The following CNTLN variants were observed in gnomAD, a reference collection of about 807,000 sequenced individuals.
CNTLN encodes the protein centlein, centrosomal protein.
Under a neutral mutation model 180.0 loss-of-function variants are expected in CNTLN, and 212 were observed. The observed-to-expected ratio is 1.18, with a 90% CI of 1.05 to 1.32. The LOEUF is 1.32. Among genes scored for constraint, CNTLN ranks in the 40% most tolerant of loss-of-function variants. The pLI is 0.00. For synonymous variants in CNTLN, 722 were observed against 563.1 expected, an observed-to-expected ratio of 1.28 and a Z score of -3.99; for missense variants, 2,095 against 1,610.9, an observed-to-expected ratio of 1.30 and a Z score of -5.14.
At chr9:17,475,494 G>A (rs1303052925) in intron 23 of CNTLN, among the ~76,000 whole-genome samples, 5 of 151,504 alleles carry the variant, frequency 3.3e-5, no homozygotes, top group African/African-American at 4.8e-5. Flanking sequence ...AACACAAGCC[G>A]GGAAATAAAA....
chr9:17,322,858 T>C (rs1820012181), intron 8 of CNTLN, among the ~76,000 whole-genome samples: 3 of 152,150 alleles, frequency 2.0e-5, no homozygotes, highest in Admixed American at 6.6e-5. Flanking sequence ...GAAAATTAAT[T>C]TGTAAAATAT....
At chr9:17,268,425 G>T (rs1015228355) in intron 5 of CNTLN, among the ~76,000 whole-genome samples, 5 of 152,280 alleles carry the variant, frequency 3.3e-5, no homozygotes, top group South Asian at 2.1e-4. Context: ...ACCTGGCCAT[G>T]TGAGGTGTCT....
rs184760718 is a variant in CNTLN, at chr9:17,316,662, G to A, written c.1341+7410G>A. Among the ~76,000 whole-genome samples, 467 of 152,138 alleles carry A rather than the reference G, an allele frequency of 3.1e-3. 3 individuals are homozygous for A. The highest frequency in any genetic ancestry group is 3.1e-3 in the Non-Finnish European group (209 of 67,920). ...AGGGCTGTCTGTATTGGTAAGGTAA[G>A]ATATAAATCTGCAATTTTGCTATTT... is the stretch of plus-strand genomic sequence containing the variant. On this transcript the variant is annotated intron_variant, in intron 8 of 25. Coordinates refer to ENST00000380647, the MANE Select transcript of CNTLN (RefSeq NM_017738.4).
chr9:17,426,745 G>A (rs79470697), intron 18 of CNTLN, among the ~76,000 whole-genome samples: 5,196 of 151,984 alleles, frequency 0.034, 145 homozygotes, highest in East Asian at 0.17. Context: ...CTTTGAGCCA[G>A]GATGGGATGT....
At position 17,487,080 on chromosome 9, in the gene CNTLN, C is replaced by G; in HGVS notation, c.4119+14C>G. 6.5e-7 allele frequency: 1 copy of G among 1,542,778 alleles called. No homozygotes were observed. The highest frequency in any genetic ancestry group is 8.9e-7 in the Non-Finnish European group (1 of 1,117,560). ...CTTGAAGGACAGGTATTTCATTTTTCTGTTTCATATATTAAGCTTCCAAAT... is the reference window on the plus strand; with the variant it reads ...CTTGAAGGACAGGTATTTCATTTTTGTGTTTCATATATTAAGCTTCCAAAT... On this transcript the variant is annotated intron_variant, in intron 25 of 25. Coordinates refer to ENST00000380647, the MANE Select transcript of CNTLN (RefSeq NM_017738.4).
chr9:17,372,709 T>C (rs1042694006), intron 13 of CNTLN, among the ~76,000 whole-genome samples: 25 of 152,122 alleles, frequency 1.6e-4, no homozygotes, highest in Admixed American at 4.6e-4. Flanking sequence ...CTGATGAACA[T>C]TGATGCAGAA....
Position 17,387,666 on chromosome 9 carries a change from A to G in CNTLN, c.1988-496A>G, listed in dbSNP as rs1051925505. On this transcript the variant is annotated intron_variant, in intron 13 of 25. Coordinates refer to ENST00000380647, the MANE Select transcript of CNTLN (RefSeq NM_017738.4). ...GTGATTTGTATGGTTTACCTCACCC[A>G]GTGCATGATCCTTCACTTGAAAAAA... Among the ~76,000 whole-genome samples the G allele has an allele frequency of 5.9e-5, 9 of 152,214 alleles. 1 individual carries two copies. In the Middle Eastern group the frequency reaches 0.01, roughly 173 times the overall value.
chr9:17,478,309 A>G (rs540608129), intron 23 of CNTLN, among the ~76,000 whole-genome samples: 73 of 152,262 alleles, frequency 4.8e-4, no homozygotes, highest in African/African-American at 1.6e-3. Flanking sequence ...TATTTTGGCT[A>G]TTAACCTCTA....
chr9:17,164,903 T>C (rs1489018780), intron 2 of CNTLN, among the ~76,000 whole-genome samples: 1 of 150,736 alleles, frequency 6.6e-6, no homozygotes, highest in East Asian at 1.9e-4. Context: ...TGGTGCAATC[T>C]TGGCTCACTG....
In CNTLN at chr9:17,227,605, G is replaced by C. The variant is rs928090634; in HGVS notation, c.534+1318G>C. Among the ~76,000 whole-genome samples the C allele has an allele frequency of 3.3e-5, 5 of 151,802 alleles. No homozygotes were observed. In the East Asian group the frequency reaches 9.7e-4, roughly 29 times the overall value. ...TATTTTCCTTTCTAACCAATTAAAG[G>C]TTCATGAGAACTTTGATCTAGGATC... is the stretch of plus-strand genomic sequence containing the variant. On this transcript the variant is annotated intron_variant, in intron 3 of 25. Transcript: ENST00000380647.
At chr9:17,262,388 T>C (rs1287866945) in intron 5 of CNTLN, among the ~76,000 whole-genome samples, 1 of 151,578 alleles carries the variant, frequency 6.6e-6, no homozygotes, top group Non-Finnish European at 1.5e-5. Context: ...TGGAATACTA[T>C]GCAGCCATAA....
At position 17,200,407 on chromosome 9, in the gene CNTLN, A is replaced by G. The variant is rs144920790; in HGVS notation, c.450-25796A>G. Among the ~76,000 whole-genome samples, 19 of 152,290 alleles carry G rather than the reference A, an allele frequency of 1.2e-4. No homozygotes were observed. In the East Asian group the frequency reaches 3.7e-3, roughly 29 times the overall value. ...GGTAGTTTGATGGGAACAACATTGA[A>G]TCTGTAAATTACTTTGGGGAGTATG... is the stretch of plus-strand genomic sequence containing the variant. On this transcript the variant is annotated intron_variant, in intron 2 of 25. Coordinates refer to ENST00000380647, the MANE Select transcript of CNTLN (RefSeq NM_017738.4).
At chr9:17,268,574 C>G (rs979863611) in intron 5 of CNTLN, among the ~76,000 whole-genome samples, 3 of 152,172 alleles carry the variant, frequency 2.0e-5, no homozygotes, top group African/African-American at 7.2e-5. Context: ...AGCTGTCAGA[C>G]AGGGACATTT....
At chr9:17,427,840 A>G (rs1829187065) in intron 18 of CNTLN, among the ~76,000 whole-genome samples, 2 of 152,306 alleles carry the variant, frequency 1.3e-5, no homozygotes, top group South Asian at 4.1e-4. Flanking sequence ...ATTTGGCTGC[A>G]TAGTAACCCA....
chr9:17,451,591 A>G (rs1287362489), intron 18 of CNTLN, among the ~76,000 whole-genome samples: 1 of 152,122 alleles, frequency 6.6e-6, no homozygotes, highest in Non-Finnish European at 1.5e-5. Context: ...ACTAAGCCTC[A>G]CTTTTTACTC....
intron 2 of CNTLN, among the ~76,000 whole-genome samples, chr9:17,157,057 C>T (rs1188675329): frequency 1.3e-5 from 2 of 152,152 alleles, no homozygotes; most frequent in Non-Finnish European, 2.9e-5. Flanking sequence ...TCTACTGTCT[C>T]CTCGATAGAA....
chr9:17,292,752 T>G lies in CNTLN; in HGVS notation c.984-5438T>G, dbSNP rs539794882. Among the ~76,000 whole-genome samples the G allele has an allele frequency of 2.0e-5, 3 of 152,312 alleles. No individual in the cohort carries two copies. In the East Asian group the frequency reaches 5.8e-4, roughly 29 times the overall value. Reference sequence around the variant, plus strand: ...TTTGTATTGGGTTAGAACATGTTCCTTTGGCTCAGCTAAGTTCATTGTTAC... The same window carrying G: ...TTTGTATTGGGTTAGAACATGTTCCGTTGGCTCAGCTAAGTTCATTGTTAC... On this transcript the variant is annotated intron_variant, in intron 6 of 25. Coordinates refer to ENST00000380647, the MANE Select transcript of CNTLN (RefSeq NM_017738.4).
intron 5 of CNTLN, among the ~76,000 whole-genome samples, chr9:17,266,561 G>T: frequency 6.6e-6 from 1 of 152,072 alleles, no homozygotes; most frequent in Non-Finnish European, 1.5e-5. Context: ...AGTCTGCTTG[G>T]TGCAGAGCTG....
At chr9:17,175,355 T>A (rs985586366) in intron 2 of CNTLN, among the ~76,000 whole-genome samples, 1 of 152,174 alleles carries the variant, frequency 6.6e-6, no homozygotes, top group Non-Finnish European at 1.5e-5. Flanking sequence ...CTTTTCTTTT[T>A]TTGCCTGTGG....
Sources: gnomAD v4.1 joint callset for allele counts (sites outside exome capture counted in the v4.1 genomes callset) on GRCh38, gnomAD v4.1.1 for gene constraint, MANE v1.5 for transcripts, NCBI Gene and HGNC (gene_info 2026-07-23, HGNC 2026-07-21) for gene names.